SLC31A1: variants seen among roughly 807,000 people sequenced by gnomAD.
The protein encoded by SLC31A1 is solute carrier family 31 member 1, also known as high affinity copper uptake protein 1.
SLC31A1 carries 5 observed loss-of-function variants against 17.2 expected under a neutral mutation model. That is an observed-to-expected ratio of 0.29 (90% confidence interval 0.15 to 0.61). The LOEUF (loss-of-function observed/expected upper bound fraction) is 0.61, where lower values mean the gene tolerates loss of function less well. Among genes scored for constraint, SLC31A1 ranks in the 20% least tolerant of loss-of-function variants. The pLI, the probability that SLC31A1 is intolerant of heterozygous loss-of-function variation, is 0.86. For missense variants in SLC31A1, 161 were observed against 241.4 expected, an observed-to-expected ratio of 0.67 and a Z score of 2.21; for synonymous variants, 76 against 78.8, an observed-to-expected ratio of 0.96 and a Z score of 0.19.
Position 113,258,677 on chromosome 9 carries a change from T to C in SLC31A1, c.203-17T>C. The stretch of plus-strand genomic sequence containing the variant: ...CACATGTTTGACAGTACCTCCATAT[T>C]TTCCTTCCATACTTAGAAATGGCTG... On this transcript the variant is annotated splice_polypyrimidine_tract_variant and intron_variant, in intron 3 of 4. Coordinates refer to ENST00000374212, the MANE Select transcript of SLC31A1 (RefSeq NM_001859.4). The surrounding 1 kb of genome is among the most constrained non-coding windows in gnomAD (Gnocchi z 4.8). The C allele has an allele frequency of 6.2e-7, 1 of 1,613,892 alleles. No homozygotes were observed. Among genetic ancestry groups the C allele is most frequent in the Non-Finnish European group, 8.5e-7 (1 of 1,179,962 alleles).
At chr9:113,244,960 A>T (rs745311787) in intron 1 of SLC31A1, among the ~76,000 whole-genome samples, 1 of 152,156 alleles carries the variant, frequency 6.6e-6, no homozygotes, top group Non-Finnish European at 1.5e-5. Context: ...CTATTTTCTT[A>T]GTACCTCCAC....
chr9:113,241,856 T>C (rs985458719), intron 1 of SLC31A1, among the ~76,000 whole-genome samples: 2 of 152,246 alleles, frequency 1.3e-5, no homozygotes, highest in African/African-American at 4.8e-5. Flanking sequence ...TGGGCACTGA[T>C]TCAAAATATC....
intron 1 of SLC31A1, among the ~76,000 whole-genome samples, chr9:113,237,826 C>G (rs1484737823): frequency 6.6e-6 from 1 of 152,180 alleles, no homozygotes; most frequent in Non-Finnish European, 1.5e-5. Context: ...AATGAACTTA[C>G]TGTTGGACCC....
chr9:113,235,791 ACT>A (rs1831451625), intron 1 of SLC31A1, among the ~76,000 whole-genome samples: 1 of 152,146 alleles, frequency 6.6e-6, no homozygotes, highest in Non-Finnish European at 1.5e-5. Context: ...GAGCAGCCTG[ACT>A]CTGAGAACAG....
Position 113,263,222 on chromosome 9 carries a change from AAT to A in SLC31A1, c.*2751_*2752del, listed in dbSNP as rs796340430. 32 of 152,308 alleles carry A rather than the reference AAT, an allele frequency of 2.1e-4. No homozygotes were observed. The highest frequency in any genetic ancestry group is 7.5e-4 in the African/African-American group (31 of 41,564). The allele number at this position is 152,308 out of a possible 1,614,324, so 9.4% of individuals were successfully genotyped here. ...TATGACTTTGAAATTCACAGAAAGA[AAT>A]AACAGTTTAGATTAGGTCTTCAGGT... On this transcript the variant is annotated 3_prime_UTR_variant, in exon 5 of 5. Coordinates refer to ENST00000374212, the MANE Select transcript of SLC31A1 (RefSeq NM_001859.4).
chr9:113,232,379 CA>C (rs1218073910), intron 1 of SLC31A1, among the ~76,000 whole-genome samples: 1 of 151,774 alleles, frequency 6.6e-6, no homozygotes, highest in Non-Finnish European at 1.5e-5. Flanking sequence ...AGAAAGAAGC[CA>C]GAAACTTTAA....
At position 113,263,797 on chromosome 9, in the gene SLC31A1, C is replaced by T. The variant is rs1324760743; in HGVS notation, c.*3324C>T. The stretch of plus-strand genomic sequence containing the variant: ...GTGAGGGAGGAACTCCCAGCATCCC[C>T]ATTGCCCACAAATGGAATCCTCACT... On this transcript the variant is annotated 3_prime_UTR_variant, in exon 5 of 5. Coordinates refer to ENST00000374212, the MANE Select transcript of SLC31A1 (RefSeq NM_001859.4). The T allele has an allele frequency of 6.6e-6, 1 of 152,262 alleles. No individual in the cohort carries two copies. The allele number at this position is 152,262 out of a possible 1,614,324, so 9.4% of individuals were successfully genotyped here. A position where few individuals can be genotyped will look rare whatever the true frequency, so the allele number is the denominator to read the frequency against.
At chr9:113,246,935 C>T (rs1430003979) in intron 1 of SLC31A1, among the ~76,000 whole-genome samples, 2 of 152,132 alleles carry the variant, frequency 1.3e-5, no homozygotes, top group South Asian at 2.1e-4. Flanking sequence ...CCACCGCACC[C>T]GACCAAGATA....
chr9:113,251,826 G>C (rs769244517), intron 1 of SLC31A1, among the ~76,000 whole-genome samples: 1 of 152,150 alleles, frequency 6.6e-6, no homozygotes, highest in African/African-American at 2.4e-5. Context: ...TTTAGTGAGC[G>C]TAAGGACTTA....
intron 1 of SLC31A1, among the ~76,000 whole-genome samples, chr9:113,232,431 G>GA (rs1027587668): frequency 3.3e-5 from 5 of 151,834 alleles, no homozygotes; most frequent in African/African-American, 7.3e-5. Flanking sequence ...GAATCAAATT[G>GA]AAAAAAATGA....
intron 1 of SLC31A1, among the ~76,000 whole-genome samples, chr9:113,228,337 A>G: frequency 6.6e-6 from 1 of 152,250 alleles, no homozygotes; most frequent in East Asian, 1.9e-4. Context: ...ATGTGATTAC[A>G]TTATTCCAGG....
intron 1 of SLC31A1, among the ~76,000 whole-genome samples, chr9:113,227,046 G>A (rs1401077920): frequency 6.6e-6 from 1 of 151,888 alleles, no homozygotes; most frequent in Non-Finnish European, 1.5e-5. Context: ...GGTTTCTTAT[G>A]GTTAGAGTTT....
intron 1 of SLC31A1, among the ~76,000 whole-genome samples, chr9:113,247,781 G>A (rs1334738232): frequency 4.6e-5 from 7 of 152,094 alleles, no homozygotes. Context: ...CTCTTCAACA[G>A]TCAATATAGC....
In SLC31A1 at chr9:113,260,610, C is replaced by CAT. The variant is rs1831782295; in HGVS notation, c.*138_*139insTA. 1 of 737,644 alleles carries CAT rather than the reference C, an allele frequency of 1.4e-6. No individual in the cohort carries two copies. Among genetic ancestry groups the CAT allele is most frequent in the Admixed American group, 2.0e-5 (1 of 49,820 alleles). The allele number at this position is 737,644 out of a possible 1,614,324, so 45.7% of individuals were successfully genotyped here. A position where few individuals can be genotyped will look rare whatever the true frequency, so the allele number is the denominator to read the frequency against. On this transcript the variant is annotated 3_prime_UTR_variant, in exon 5 of 5. Coordinates refer to ENST00000374212, the MANE Select transcript of SLC31A1 (RefSeq NM_001859.4). ...ACACACACACACACACACACACACA[C>CAT]ACCCCTGCTCAACAGAGGTTTAGTT...
rs140946666 is a variant in SLC31A1, at chr9:113,246,628, G to A, written c.-35-9486G>A. Among the ~76,000 whole-genome samples, 743 of 152,144 alleles carry A rather than the reference G, an allele frequency of 4.9e-3. 7 individuals carry two copies. Among genetic ancestry groups the A allele is most frequent in the African/African-American group, 0.017 (707 of 41,514 alleles). ...GGCCTCCCAAAGTGCTGGGATTATA[G>A]GCGTGAGCCACTGCACGCGGCCGAT... On this transcript the variant is annotated intron_variant, in intron 1 of 4. Transcript: ENST00000374212.
Position 113,264,054 on chromosome 9 carries a change from T to G in SLC31A1, c.*3581T>G. 1 of 152,354 alleles carries G rather than the reference T, an allele frequency of 6.6e-6. No individual in the cohort carries two copies. The highest frequency in any genetic ancestry group is 1.9e-4 in the East Asian group (1 of 5,196). 9.4% of individuals were successfully genotyped at this position (152,354 alleles called of 1,614,324 possible). ...GATAGAAACTCTGGGCTGGGCACAG[T>G]GGCTCACACACTTTGGGAGGCCAAG... On this transcript the variant is annotated 3_prime_UTR_variant, in exon 5 of 5. Coordinates refer to ENST00000374212, the MANE Select transcript of SLC31A1 (RefSeq NM_001859.4).
intron 1 of SLC31A1, among the ~76,000 whole-genome samples, chr9:113,246,134 A>G (rs1831575120): frequency 6.6e-6 from 1 of 151,022 alleles, no homozygotes; most frequent in Admixed American, 6.6e-5. Context: ...CACTGCAGCC[A>G]TGACTTCCCA....
At chr9:113,229,778 T>A (rs1831382491) in intron 1 of SLC31A1, among the ~76,000 whole-genome samples, 1 of 152,234 alleles carries the variant, frequency 6.6e-6, no homozygotes. Context: ...TATCATTTTC[T>A]TGGTAATATC....
chr9:113,223,338 A>G lies in SLC31A1; in HGVS notation c.-36+1660A>G, dbSNP rs1831306943. On this transcript the variant is annotated intron_variant, in intron 1 of 4. Transcript: ENST00000374212. ...GGACTGGGTGCACCTAAAAAAAAAA[A>G]AAAAGAAAGCCACTGTCTTCCTAAA... 1.0e-5 allele frequency: 4 copies of G among 391,222 alleles called. No homozygotes were observed. In the Admixed American group the frequency reaches 1.4e-4, roughly 14 times the overall value. The allele number at this position is 391,222 out of a possible 1,614,324, so 24.2% of individuals were successfully genotyped here. A position where few individuals can be genotyped will look rare whatever the true frequency, so the allele number is the denominator to read the frequency against.
Sources: gnomAD v4.1 joint callset for allele counts (sites outside exome capture counted in the v4.1 genomes callset) on GRCh38, gnomAD v4.1.1 for gene constraint, Gnocchi (gnomAD v3.1) non-coding constraint, MANE v1.5 for transcripts, NCBI Gene and HGNC (gene_info 2026-07-23, HGNC 2026-07-21) for gene names.